ZMIZ1: variants seen among roughly 807,000 people sequenced by gnomAD.
ZMIZ1 encodes zinc finger MIZ-type containing 1, also known as zinc finger MIZ domain-containing protein 1.
In ZMIZ1, 17 loss-of-function variants were observed where a neutral mutation model predicts 113.9. The observed-to-expected ratio is 0.15, with a 90% CI of 0.10 to 0.22. The LOEUF (loss-of-function observed/expected upper bound fraction) is 0.22. Ranked by LOEUF, ZMIZ1 falls within the 10% of genes least tolerant of loss-of-function variation. The pLI is 1.00. For missense variants in ZMIZ1, 1,059 were observed against 1,477.8 expected, an observed-to-expected ratio of 0.72 and a Z score of 4.65; for synonymous variants, 607 against 603.1, an observed-to-expected ratio of 1.01 and a Z score of -0.09.
intron 7 of ZMIZ1, among the ~76,000 whole-genome samples, chr10:79,238,637 T>A (rs1210658245): frequency 1.3e-5 from 2 of 152,228 alleles, no homozygotes; most frequent in East Asian, 3.8e-4. Context: ...ATTGACTGTG[T>A]GACCTGGAGG....
chr10:79,279,576 G>A (rs1852567307), intron 8 of ZMIZ1, among the ~76,000 whole-genome samples: 1 of 152,256 alleles, frequency 6.6e-6, no homozygotes, highest in South Asian at 2.1e-4. Flanking sequence ...GCTGGGCAGA[G>A]GCTGCAATCT....
chr10:79,220,015 C>T (rs1848898459), intron 7 of ZMIZ1, among the ~76,000 whole-genome samples: 1 of 152,170 alleles, frequency 6.6e-6, no homozygotes, highest in South Asian at 2.1e-4. Flanking sequence ...GGTGAAGGAC[C>T]TGCCAGGAGC....
At chr10:79,094,087 A>G (rs988251324) in intron 1 of ZMIZ1, among the ~76,000 whole-genome samples, 9 of 152,204 alleles carry the variant, frequency 5.9e-5, no homozygotes, top group African/African-American at 1.7e-4. Flanking sequence ...GACACCACAG[A>G]CCTGTTCCAC....
chr10:79,156,912 G>A (rs902849252), intron 3 of ZMIZ1, among the ~76,000 whole-genome samples: 9 of 152,164 alleles, frequency 5.9e-5, no homozygotes, highest in African/African-American at 2.2e-4. Context: ...GGACTACCAG[G>A]TCCCTGTCCT....
intron 8 of ZMIZ1, among the ~76,000 whole-genome samples, chr10:79,278,394 TTTTATTATTATTA>T (rs1411708378): frequency 3.3e-5 from 5 of 151,320 alleles, no homozygotes; most frequent in South Asian, 2.1e-4. Flanking sequence ...TAGTTTTTCT[TTTTATTATTATTA>T]TTTATTATTA....
chr10:79,169,333 G>A (rs1414119716), intron 4 of ZMIZ1, among the ~76,000 whole-genome samples: 2 of 152,234 alleles, frequency 1.3e-5, no homozygotes, highest in Admixed American at 6.5e-5. Flanking sequence ...TTCCCTCTCA[G>A]GTAGGGGTTC....
chr10:79,116,527 C>T (rs113938558), intron 1 of ZMIZ1, among the ~76,000 whole-genome samples: 7 of 151,976 alleles, frequency 4.6e-5, no homozygotes, highest in East Asian at 1.9e-4. Context: ...GGGCATCCTG[C>T]GGTGGAGGTG....
In ZMIZ1 at chr10:79,132,526, T is replaced by C. The variant is rs548471383; in HGVS notation, c.-226-7156T>C. ...CTGCCCCACCTAAATTCCTAAAAGT[T>C]TGGACAACCCATGCCCGTAAAAGTA... On this transcript the variant is annotated intron_variant, in intron 2 of 24. Transcript: ENST00000334512. Among the ~76,000 whole-genome samples, 521 of 152,246 alleles carry C rather than the reference T, an allele frequency of 3.4e-3. 5 individuals are homozygous for C. Among genetic ancestry groups the C allele is most frequent in the Non-Finnish European group, 6.5e-3 (441 of 68,010 alleles).
At chr10:79,251,150 C>G (rs564311322) in intron 7 of ZMIZ1, among the ~76,000 whole-genome samples, 33 of 152,080 alleles carry the variant, frequency 2.2e-4, no homozygotes, top group Non-Finnish European at 4.3e-4. Flanking sequence ...CTGTTAGGAG[C>G]GAGAGGCCCT....
At chr10:79,249,578 C>G (rs372130365) in intron 7 of ZMIZ1, among the ~76,000 whole-genome samples, 1 of 152,164 alleles carries the variant, frequency 6.6e-6, no homozygotes, top group Non-Finnish European at 1.5e-5. Context: ...ACTGTGCTGT[C>G]CAGTATAGCA....
intron 7 of ZMIZ1, among the ~76,000 whole-genome samples, chr10:79,220,776 C>T (rs1848932874): frequency 6.6e-6 from 1 of 151,982 alleles, no homozygotes; most frequent in Non-Finnish European, 1.5e-5. Context: ...GTGTGTGAGG[C>T]TGTGTATGTT....
At chr10:79,081,366 A>G (rs1197069633) in intron 1 of ZMIZ1, among the ~76,000 whole-genome samples, 1 of 152,076 alleles carries the variant, frequency 6.6e-6, no homozygotes, top group African/African-American at 2.4e-5. Flanking sequence ...CAGCTTGGAG[A>G]CCTGAGACCT....
intron 2 of ZMIZ1, among the ~76,000 whole-genome samples, chr10:79,129,300 T>TG (rs1844651858): frequency 6.6e-6 from 1 of 152,228 alleles, no homozygotes; most frequent in Non-Finnish European, 1.5e-5. Flanking sequence ...CCAGATTGCC[T>TG]GGGACCGTCC....
At chr10:79,280,537 C>T (rs551582619) in intron 8 of ZMIZ1, among the ~76,000 whole-genome samples, 111 of 151,708 alleles carry the variant, frequency 7.3e-4, no homozygotes, top group African/African-American at 2.5e-3. Context: ...GGCCTCCCAA[C>T]GTGCTGGGAT....
chr10:79,285,412 C>T, intron 8 of ZMIZ1: 1 of 453,662 alleles, frequency 2.2e-6, no homozygotes, highest in South Asian at 1.6e-5. Flanking sequence ...ACCCTCACGG[C>T]AGCCTTCGAA....
At chr10:79,089,997 G>A (rs1842939963) in intron 1 of ZMIZ1, among the ~76,000 whole-genome samples, 1 of 152,192 alleles carries the variant, frequency 6.6e-6, no homozygotes, top group Admixed American at 6.5e-5. Flanking sequence ...GCAGGATTAA[G>A]CCTTTTACCA....
intron 4 of ZMIZ1, among the ~76,000 whole-genome samples, chr10:79,197,494 T>C (rs1847877262): frequency 6.6e-6 from 1 of 152,126 alleles, no homozygotes; most frequent in Admixed American, 6.5e-5. Context: ...GCTGAGGGTC[T>C]GTGTGGGTAA....
At chr10:79,162,506 C>T (rs1044706587) in intron 4 of ZMIZ1, among the ~76,000 whole-genome samples, 4 of 152,180 alleles carry the variant, frequency 2.6e-5, no homozygotes, top group East Asian at 1.9e-4. Context: ...AGGAGCATGT[C>T]GGCTGAAATG....
At chr10:79,165,965 T>TGCGCGCGCGC (rs1564692738) in intron 4 of ZMIZ1, among the ~76,000 whole-genome samples, 7 of 13,136 alleles carry the variant, frequency 5.3e-4, no homozygotes, top group African/African-American at 1.6e-3. Flanking sequence ...TGTGTGTGTG[T>TGCGCGCGCGC]GTGTGTGTGT....
Sources: gnomAD v4.1 joint callset for allele counts (sites outside exome capture counted in the v4.1 genomes callset) on GRCh38, gnomAD v4.1.1 for gene constraint, MANE v1.5 for transcripts, NCBI Gene and HGNC (gene_info 2026-07-23, HGNC 2026-07-21) for gene names.